The following LRRIQ1 variants were observed in gnomAD, a reference collection of about 807,000 sequenced individuals.
LRRIQ1 encodes leucine rich repeats and IQ motif containing 1.
LRRIQ1 carries 210 observed loss-of-function variants against 211.9 expected under a neutral mutation model. The ratio of observed to expected loss-of-function variants is 0.99; its 90% CI spans 0.89 to 1.11. LRRIQ1 has a LOEUF of 1.11. LRRIQ1 is among the 50% of genes most tolerant of loss of function. The pLI, the probability that LRRIQ1 is intolerant of heterozygous loss-of-function variation, is 0.00. For missense variants in LRRIQ1, 2,136 were observed against 1,939.5 expected (o/e 1.10, Z -1.90); for synonymous variants, 699 against 650.1 (o/e 1.08, Z -1.14).
intron 24 of LRRIQ1, among the ~76,000 whole-genome samples, chr12:85,216,081 T>C (rs1208782365): frequency 6.6e-6 from 1 of 152,166 alleles, no homozygotes; most frequent in African/African-American, 2.4e-5. Context: ...TGCAGGTTCG[T>C]TACATAAATA....
chr12:85,188,934 A>T (rs1892357139), intron 24 of LRRIQ1, among the ~76,000 whole-genome samples: 1 of 152,172 alleles, frequency 6.6e-6, no homozygotes, highest in South Asian at 2.1e-4. Context: ...TTATAGATGA[A>T]GAAATCAGGT....
chr12:85,125,805 A>T (rs1888335506), intron 17 of LRRIQ1, among the ~76,000 whole-genome samples: 1 of 152,194 alleles, frequency 6.6e-6, no homozygotes, highest in Admixed American at 6.5e-5. Flanking sequence ...TTGAAATTTC[A>T]TATAAACAAT....
intron 3 of LRRIQ1, among the ~76,000 whole-genome samples, chr12:85,041,315 G>A (rs1241808343): frequency 1.3e-5 from 2 of 151,678 alleles, no homozygotes; most frequent in African/African-American, 4.8e-5. Context: ...AACAAAACAG[G>A]CAAAGATTCT....
chr12:85,227,615 C>A (rs1894726354), intron 24 of LRRIQ1, among the ~76,000 whole-genome samples: 1 of 152,052 alleles, frequency 6.6e-6, no homozygotes, highest in African/African-American at 2.4e-5. Flanking sequence ...TTTATAGATT[C>A]AATGCCATCC....
chr12:85,262,890 G>A, intron 1 of LRRIQ1: 1 of 954,936 alleles, frequency 1.0e-6, no homozygotes, highest in Middle Eastern at 2.9e-4. Context: ...TTCAGTGAAA[G>A]TGTATATTTA....
intron 14 of LRRIQ1, among the ~76,000 whole-genome samples, 182 bp from the exon 15 acceptor site, chr12:85,106,340 A>G (rs950966678): frequency 3.3e-5 from 5 of 152,242 alleles, no homozygotes; most frequent in South Asian, 2.1e-4. Context: ...GTAGAAACAT[A>G]TATTCTGACA....
downstream of LRRIQ1, among the ~76,000 whole-genome samples, chr12:85,268,420 C>T (rs1039753489): frequency 4.6e-5 from 7 of 152,022 alleles, no homozygotes; most frequent in Middle Eastern, 3.4e-3. Flanking sequence ...CTCAAAAATA[C>T]ACCCAGAAAA....
In LRRIQ1 at chr12:85,191,013, A is replaced by G. The variant is rs577519387; in HGVS notation, c.4822+30299A>G. Among the ~76,000 whole-genome samples the G allele has an allele frequency of 3.9e-5, 6 of 152,016 alleles. No homozygotes were observed. The South Asian group carries it at 1.0e-3, about 26-fold the overall frequency. On this transcript the variant is annotated intron_variant, in intron 24 of 26. Transcript: ENST00000393217. ...TCACCTAAAAGTGCTGAAGTAAAAA[A>G]CCATTTTTTAAATAGACTCTATATT...
At chr12:85,156,728 G>C (rs1419501982) in intron 23 of LRRIQ1, among the ~76,000 whole-genome samples, 1 of 151,682 alleles carries the variant, frequency 6.6e-6, no homozygotes, top group Admixed American at 6.6e-5. Context: ...ATCTTACATA[G>C]ACAACTTGCC....
At chr12:85,269,051 A>G (rs1896481721), downstream of LRRIQ1, among the ~76,000 whole-genome samples, 1 of 152,012 alleles carries the variant, frequency 6.6e-6, no homozygotes, top group Non-Finnish European at 1.5e-5. Context: ...AGTGAAGAAT[A>G]CAGCCTAAAT....
chr12:85,158,585 A>G (rs1420115812), intron 23 of LRRIQ1, among the ~76,000 whole-genome samples: 2 of 152,016 alleles, frequency 1.3e-5, no homozygotes, highest in Non-Finnish European at 2.9e-5. Flanking sequence ...TATTATTTAA[A>G]TGAAATAATA....
rs542006239 is a variant in LRRIQ1, at chr12:85,164,566, A to G, written c.4822+3852A>G. On this transcript the variant is annotated intron_variant, in intron 24 of 26. Transcript: ENST00000393217. ...ATGGCATCCCTTCTTGTTCTTGTTTACAATTAGTTCTCTTTATTCCATTTA... is the reference window on the plus strand; with the variant it reads ...ATGGCATCCCTTCTTGTTCTTGTTTGCAATTAGTTCTCTTTATTCCATTTA... Among the ~76,000 whole-genome samples, 4 of 152,280 alleles carry G rather than the reference A, an allele frequency of 2.6e-5. No homozygotes were observed. In the South Asian group the frequency reaches 8.3e-4, roughly 32 times the overall value.
chr12:85,095,241 G>A (rs1461534717), intron 11 of LRRIQ1, among the ~76,000 whole-genome samples: 2 of 152,070 alleles, frequency 1.3e-5, no homozygotes, highest in Non-Finnish European at 2.9e-5. Flanking sequence ...TATAATCTTG[G>A]TTGTGTCTTT....
At chr12:85,123,404 T>A (rs1013856635) in intron 16 of LRRIQ1, among the ~76,000 whole-genome samples, 2 of 151,966 alleles carry the variant, frequency 1.3e-5, no homozygotes, top group African/African-American at 4.8e-5. Context: ...GAAGACAAAA[T>A]GTAGCCAAGA....
At chr12:85,084,724 A>G (rs1249239779) in intron 11 of LRRIQ1, among the ~76,000 whole-genome samples, 1 of 151,828 alleles carries the variant, frequency 6.6e-6, no homozygotes, top group Non-Finnish European at 1.5e-5. Flanking sequence ...TCAGGAGTTC[A>G]AGACCAGCCT....
chr12:85,233,130 A>G (rs1279675110), intron 26 of LRRIQ1: 5 of 219,640 alleles, frequency 2.3e-5, no homozygotes, highest in Non-Finnish European at 4.5e-5. Context: ...ATCCAACCAT[A>G]TAAAAAATTA....
intron 24 of LRRIQ1, among the ~76,000 whole-genome samples, chr12:85,217,500 ATATATATATGTGTGTGTG>A (rs1355828261): frequency 5.3e-4 from 43 of 81,542 alleles, no homozygotes; most frequent in African/African-American, 3.7e-3. Flanking sequence ...ATGTATATAT[ATATATATATGTGTGTGTG>A]TGTGTGTGTG....
chr12:85,082,410 T>G (rs1884393465), intron 11 of LRRIQ1, among the ~76,000 whole-genome samples: 1 of 152,200 alleles, frequency 6.6e-6, no homozygotes, highest in South Asian at 2.1e-4. Flanking sequence ...TCGGGGCTTA[T>G]TGCAGTTCAT....
chr12:85,074,756 C>CA (rs1883457028), intron 11 of LRRIQ1, among the ~76,000 whole-genome samples: 1 of 151,846 alleles, frequency 6.6e-6, no homozygotes, highest in African/African-American at 2.4e-5. Flanking sequence ...TGAGATGTGG[C>CA]AAAAAATATA....
Sources: allele counts gnomAD v4.1 joint callset (sites outside exome capture counted in the v4.1 genomes callset), GRCh38; gene constraint gnomAD v4.1.1; transcripts MANE v1.5; gene names NCBI Gene and HGNC (gene_info 2026-07-23, HGNC 2026-07-21).